The following MAK16 variants were observed in gnomAD, a reference collection of about 807,000 sequenced individuals.
MAK16 encodes protein MAK16 homolog.
In MAK16, 12 loss-of-function variants were observed where a neutral mutation model predicts 49.9. The observed-to-expected ratio is 0.24, with a 90% CI of 0.15 to 0.39. The LOEUF (loss-of-function observed/expected upper bound fraction) is 0.39, where lower values mean the gene tolerates loss of function less well. MAK16 is among the 10% of genes least tolerant of loss of function. MAK16 has a pLI of 1.00. For missense variants in MAK16, 292 were observed against 363.7 expected (o/e 0.80, Z 1.60); for synonymous variants, 115 against 126.4 (o/e 0.91, Z 0.60).
Position 33,488,640 on chromosome 8 carries a change from A to T in MAK16, c.175+11A>T. 6.2e-7 allele frequency: 1 copy of T among 1,613,386 alleles called. No individual in the cohort carries two copies. Among genetic ancestry groups the T allele is most frequent in the Non-Finnish European group, 8.5e-7 (1 of 1,179,332 alleles). The stretch of plus-strand genomic sequence containing the variant: ...TTAAAGAAGAGAAAGGTAACTCCCC[A>T]GTTTTAACTTCTAGAAGAACTGCTC... On this transcript the variant is annotated intron_variant, in intron 3 of 9. Transcript: ENST00000360128.
At position 33,499,343 on chromosome 8, in the gene MAK16, AT is replaced by A; in HGVS notation, c.*716del. ...TTTAATTACTTTCCCCTTTTGCTTG[AT>A]TCTTCTTCCTTGGTATCATATTCAA... On this transcript the variant is annotated 3_prime_UTR_variant, in exon 10 of 10. Coordinates refer to ENST00000360128, the MANE Select transcript of MAK16 (RefSeq NM_032509.4). The A allele has an allele frequency of 8.7e-7, 1 of 1,147,632 alleles. No homozygotes were observed. Among genetic ancestry groups the A allele is most frequent in the Non-Finnish European group, 1.3e-6 (1 of 767,488 alleles). The allele number at this position is 1,147,632 out of a possible 1,614,324, so 71.1% of individuals were successfully genotyped here. A position where few individuals can be genotyped will look rare whatever the true frequency, so the allele number is the denominator to read the frequency against.
In MAK16 at chr8:33,488,817, C is replaced by T; in HGVS notation, c.240+19C>T. ...GGAACGGGTAAGCCTTACAACAAAA[C>T]TACAGTGACCGCTGATCAAGAGCAT... On this transcript the variant is annotated intron_variant, in intron 4 of 9. Transcript: ENST00000360128. The T allele has an allele frequency of 6.2e-7, 1 of 1,613,604 alleles. No individual in the cohort carries two copies. The highest frequency in any genetic ancestry group is 8.5e-7 in the Non-Finnish European group (1 of 1,179,516).
chr8:33,485,367 T>G, intron 1 of MAK16, 146 bp downstream of exon 1: 2 of 1,077,384 alleles, frequency 1.9e-6, no homozygotes, highest in Non-Finnish European at 2.8e-6. Flanking sequence ...TTTTCCAACA[T>G]AGGTTCTCAC....
Position 33,498,564 on chromosome 8 carries a change from C to G in MAK16, c.838C>G (p.Arg280Gly), listed in dbSNP as rs1808927886. The G allele has an allele frequency of 3.1e-6, 5 of 1,613,858 alleles. No homozygotes were observed. The highest frequency in any genetic ancestry group is 3.4e-6 in the Non-Finnish European group (4 of 1,180,028). Residue 280 changes from arginine (R) to glycine (G), a missense_variant, in exon 10 of 10, where the codon CGA (arginine) becomes GGA (glycine). Physicochemically the swap from Arg to Gly is moderately radical, Grantham distance 125 (BLOSUM62 -2). Transcript: ENST00000360128. ...CTTGAGAGGACCACTGCAGAGAAAA[C>G]GAGCCTATGTGGAAATAGAATACGA... ...MPLRGPLQRK[R>G]AYVEIEYEQE...
At chr8:33,496,402 A>G (rs1160717500) in intron 7 of MAK16, among the ~76,000 whole-genome samples, 1 of 152,010 alleles carries the variant, frequency 6.6e-6, no homozygotes, top group African/African-American at 2.4e-5. Context: ...TTAAAATGTA[A>G]CTCCATAGAA....
Position 33,498,568 on chromosome 8 carries a change from C to T in MAK16, c.842C>T (p.Ala281Val), listed in dbSNP as rs1808928306. ...PLRGPLQRKR[A>V]YVEIEYEQET... Reference sequence around the variant, plus strand: ...AGAGGACCACTGCAGAGAAAACGAGCCTATGTGGAAATAGAATACGAGCAG... The same window carrying T: ...AGAGGACCACTGCAGAGAAAACGAGTCTATGTGGAAATAGAATACGAGCAG... The change falls in exon 10 of 10, where the codon GCC becomes GTC. Residue 281 changes from alanine to valine, a missense_variant. Transcript: ENST00000360128. 1 of 1,613,964 alleles carries T rather than the reference C, an allele frequency of 6.2e-7. No homozygotes were observed. Among genetic ancestry groups the T allele is most frequent in the Admixed American group, 1.7e-5 (1 of 59,974 alleles).
At chr8:33,497,359 A>AC in intron 9 of MAK16, 62 bp downstream of exon 9, 1 of 1,171,728 alleles carries the variant, frequency 8.5e-7, no homozygotes, top group Admixed American at 2.1e-5. Flanking sequence ...AAAAAACAAA[A>AC]ACAGGGAGGT....
At chr8:33,490,140 G>A (rs541868434) in intron 5 of MAK16, 145 bp from the exon 6 acceptor site, 12 of 619,848 alleles carry the variant, frequency 1.9e-5, no homozygotes, top group Middle Eastern at 5.2e-4. Flanking sequence ...GCTAGCCTCC[G>A]TGAATGCCTG....
At position 33,485,201 on chromosome 8, in the gene MAK16, G is replaced by A. The variant is rs1409647638; in HGVS notation, c.-6G>A. On this transcript the variant is annotated 5_prime_UTR_variant, in exon 1 of 10. Coordinates refer to ENST00000360128, the MANE Select transcript of MAK16 (RefSeq NM_032509.4). ...ACCGGAAGTTGCACGCTGAGCCGCG[G>A]ACACCATGCAGTCGGATGATGTGAG... 1.2e-6 allele frequency: 2 copies of A among 1,614,076 alleles called. No homozygotes were observed. Among genetic ancestry groups the A allele is most frequent in the Non-Finnish European group, 1.7e-6 (2 of 1,180,034 alleles).
In MAK16 at chr8:33,499,476, C is replaced by T. The variant is rs182386637; in HGVS notation, c.*847C>T. 4.0e-4 allele frequency: 204 copies of T among 513,116 alleles called. No individual in the cohort carries two copies. The highest frequency in any genetic ancestry group is 3.8e-3 in the African/African-American group (198 of 51,746). 31.8% of individuals were successfully genotyped at this position (513,116 alleles called of 1,614,324 possible). On this transcript the variant is annotated 3_prime_UTR_variant, in exon 10 of 10. Coordinates refer to ENST00000360128, the MANE Select transcript of MAK16 (RefSeq NM_032509.4). ...ATATAGCTCTCATGTATTGAAGGTG[C>T]TACTTTAAAAACTGTGTTAATGTAC... is the stretch of plus-strand genomic sequence containing the variant.
At chr8:33,497,938 A>G (rs1808903600) in intron 9 of MAK16, among the ~76,000 whole-genome samples, 1 of 151,844 alleles carries the variant, frequency 6.6e-6, no homozygotes, top group African/African-American at 2.4e-5. Context: ...TCTACTAAAA[A>G]TACAAAAATT....
intron 6 of MAK16, among the ~76,000 whole-genome samples, chr8:33,492,232 G>A (rs777212164): frequency 6.6e-6 from 1 of 151,888 alleles, no homozygotes; most frequent in Non-Finnish European, 1.5e-5. Context: ...GGCTGGTCTC[G>A]AACTCCTGAC....
rs374941007 is a variant in MAK16, at chr8:33,488,481, A to G, written c.66-39A>G. 9 of 1,613,564 alleles carry G rather than the reference A, an allele frequency of 5.6e-6. No homozygotes were observed. The East Asian group carries it at 1.1e-4, about 20-fold the overall frequency. ...GATTCCTTCAGTTGCCTCTTTGGCA[A>G]CCCATTTTATAATCTTTGTTTCTTT... On this transcript the variant is annotated intron_variant, in intron 2 of 9. Coordinates refer to ENST00000360128, the MANE Select transcript of MAK16 (RefSeq NM_032509.4).
At chr8:33,487,704 G>T (rs748048647) in intron 1 of MAK16, among the ~76,000 whole-genome samples, 32 of 152,166 alleles carry the variant, frequency 2.1e-4, no homozygotes, top group Middle Eastern at 3.4e-3. Context: ...TTACAGGTGT[G>T]AGCCACTACA....
rs2732278 is a variant in MAK16, at chr8:33,499,309, T to A, written c.*680T>A. On this transcript the variant is annotated 3_prime_UTR_variant, in exon 10 of 10. Transcript: ENST00000360128. ...CATGAAACCAAACAGGCTTTGATAT[T>A]TTTTTTTTTTTAATTACTTTCCCCT... The A allele has an allele frequency of 0.059, 81,500 of 1,378,742 alleles. 2,274 individuals are homozygous for A. Among genetic ancestry groups the A allele is most frequent in the African/African-American group, 0.14 (9,568 of 69,452 alleles). 85.4% of individuals were successfully genotyped at this position (1,378,742 alleles called of 1,614,324 possible). A position where few individuals can be genotyped will look rare whatever the true frequency, so the allele number is the denominator to read the frequency against.
At chr8:33,495,418 A>T in intron 6 of MAK16, 124 bp from the exon 7 acceptor site, 2 of 771,170 alleles carry the variant, frequency 2.6e-6, no homozygotes, top group Non-Finnish European at 4.2e-6. Flanking sequence ...AAAAGCCAGT[A>T]TTAGCAAGGA....
At position 33,489,390 on chromosome 8, in the gene MAK16, G is replaced by A. The variant is rs1465556381; in HGVS notation, c.392+251G>A. The A allele has an allele frequency of 2.5e-6, 1 of 398,360 alleles. No individual in the cohort carries two copies. The highest frequency in any genetic ancestry group is 4.5e-6 in the Non-Finnish European group (1 of 222,134). The allele number at this position is 398,360 out of a possible 1,614,324, so 24.7% of individuals were successfully genotyped here. ...TTCAGAAAATTTTATTTTCTTTTTT[G>A]TTAAGACGGAGTCTCACTCTGTCGC... On this transcript the variant is annotated intron_variant, in intron 5 of 9. Transcript: ENST00000360128. The surrounding 1 kb of genome is among the most constrained non-coding windows in gnomAD (Gnocchi z 4.2).
intron 6 of MAK16, among the ~76,000 whole-genome samples, chr8:33,491,627 CTTTTTTTT>C (rs554026888): frequency 2.2e-5 from 2 of 89,890 alleles, no homozygotes; most frequent in Admixed American, 1.4e-4. Context: ...CTGCCCCCTG[CTTTTTTTT>C]TTTTTTTTTT....
intron 1 of MAK16, among the ~76,000 whole-genome samples, chr8:33,487,828 T>C (rs1808711777): frequency 6.6e-6 from 1 of 152,252 alleles, no homozygotes; most frequent in African/African-American, 2.4e-5. Context: ...TGGAAAAATA[T>C]TTACAGAATA....
Sources: gnomAD v4.1 joint callset for allele counts (sites outside exome capture counted in the v4.1 genomes callset) on GRCh38, gnomAD v4.1.1 for gene constraint, Gnocchi (gnomAD v3.1) non-coding constraint, MANE v1.5 for transcripts, NCBI Gene and HGNC (gene_info 2026-07-23, HGNC 2026-07-21) for gene names.